SUSD3: variants seen among roughly 807,000 people sequenced by gnomAD.
SUSD3 encodes sushi domain-containing protein 3.
Under a neutral mutation model 20.6 loss-of-function variants are expected in SUSD3, and 18 were observed. That is an observed-to-expected ratio of 0.87 (90% CI 0.60 to 1.30). SUSD3 has a LOEUF of 1.30. Among genes scored for constraint, SUSD3 ranks in the 50% most tolerant of loss-of-function variants. The pLI, the probability that SUSD3 is intolerant of heterozygous loss-of-function variation, is 0.00. For synonymous variants in SUSD3, 137 were observed against 141.5 expected, an observed-to-expected ratio of 0.97 and a Z score of 0.23; for missense variants, 306 against 346.9, an observed-to-expected ratio of 0.88 and a Z score of 0.94.
chr9:93,068,313 A>G lies in SUSD3; in HGVS notation c.89-7471A>G, dbSNP rs368649219. Among the ~76,000 whole-genome samples, 56 of 152,300 alleles carry G rather than the reference A, an allele frequency of 3.7e-4. No individual in the cohort carries two copies. The East Asian group carries it at 0.01, about 28-fold the overall frequency. On this transcript the variant is annotated intron_variant, in intron 1 of 4. Coordinates refer to ENST00000375472, the MANE Select transcript of SUSD3 (RefSeq NM_145006.4). ...GATTTTCCCTATGTTTTCTTCTAAG[A>G]GTTTCATAGTTTTAGCTCTTACTTT...
chr9:93,066,077 C>T (rs1260160124), intron 1 of SUSD3, among the ~76,000 whole-genome samples: 1 of 152,172 alleles, frequency 6.6e-6, no homozygotes, highest in Non-Finnish European at 1.5e-5. Flanking sequence ...GCCCACCATG[C>T]CCTCCATCCC....
chr9:93,074,174 G>A (rs1300506194), intron 1 of SUSD3, among the ~76,000 whole-genome samples: 1 of 152,104 alleles, frequency 6.6e-6, no homozygotes, highest in Non-Finnish European at 1.5e-5. Flanking sequence ...GCCGGGTGTG[G>A]TGGCTCACGT....
intron 4 of SUSD3, among the ~76,000 whole-genome samples, chr9:93,081,999 T>G (rs993113039): frequency 6.6e-6 from 1 of 152,232 alleles, no homozygotes; most frequent in Non-Finnish European, 1.5e-5. Flanking sequence ...ATGACCACAT[T>G]CTTTCCCTGG....
chr9:93,084,168 C>T (rs1826543661), intron 4 of SUSD3, among the ~76,000 whole-genome samples: 1 of 152,102 alleles, frequency 6.6e-6, no homozygotes, highest in African/African-American at 2.4e-5. Flanking sequence ...TCCCCAGCAT[C>T]CCTTCTCTGC....
chr9:93,084,474 A>G (rs1436965336), intron 4 of SUSD3, 63 bp from the exon 5 acceptor site: 3 of 1,436,976 alleles, frequency 2.1e-6, no homozygotes, highest in East Asian at 5.0e-5. Flanking sequence ...CTGGGAAGGT[A>G]TGGAGTTGGG....
rs568904668 is a variant in SUSD3, at chr9:93,067,433, G to A, written c.89-8351G>A. Among the ~76,000 whole-genome samples, 47 of 152,224 alleles carry A rather than the reference G, an allele frequency of 3.1e-4. 1 individual carries two copies. The highest frequency in any genetic ancestry group is 1.9e-4 in the East Asian group (1 of 5,182). On this transcript the variant is annotated intron_variant, in intron 1 of 4. Transcript: ENST00000375472. ...ACAGGTATTTTCATTTCTCTTGGCT[G>A]ATTACCTAGCAGTGGAATTACTGGA... is the stretch of plus-strand genomic sequence containing the variant.
chr9:93,067,698 A>G (rs1242532443), intron 1 of SUSD3, among the ~76,000 whole-genome samples: 4 of 151,816 alleles, frequency 2.6e-5, no homozygotes, highest in African/African-American at 9.7e-5. Context: ...CCCAGGTTCA[A>G]GTGATACTCC....
In SUSD3 at chr9:93,060,393, G is replaced by C. The variant is rs1482020666; in HGVS notation, c.88+1563G>C. Among the ~76,000 whole-genome samples the C allele has an allele frequency of 2.6e-5, 4 of 152,284 alleles. No individual in the cohort carries two copies. In the East Asian group the frequency reaches 7.7e-4, roughly 29 times the overall value. ...TGTGGACAGGCCCAGTGGAGCCCAGGGAGGGTACTTGTTCTGGTGCAGGGA... is the reference window on the plus strand; with the variant it reads ...TGTGGACAGGCCCAGTGGAGCCCAGCGAGGGTACTTGTTCTGGTGCAGGGA... On this transcript the variant is annotated intron_variant, in intron 1 of 4. Coordinates refer to ENST00000375472, the MANE Select transcript of SUSD3 (RefSeq NM_145006.4).
chr9:93,058,912 G>A, intron 1 of SUSD3, 82 bp downstream of exon 1: 1 of 849,914 alleles, frequency 1.2e-6, no homozygotes, highest in Non-Finnish European at 1.6e-6. Context: ...GGGGTCGCGG[G>A]GCCGCACAGC....
chr9:93,065,749 C>T (rs923351155), intron 1 of SUSD3, among the ~76,000 whole-genome samples: 2 of 152,242 alleles, frequency 1.3e-5, no homozygotes, highest in East Asian at 1.9e-4. Context: ...GTGCTGATCA[C>T]GACTCTTGCC....
intron 3 of SUSD3, 68 bp downstream of exon 3, chr9:93,078,061 G>T: frequency 6.2e-7 from 1 of 1,607,020 alleles, no homozygotes; most frequent in South Asian, 1.1e-5. Context: ...AGGAGGAAAG[G>T]ACAGAGTGTT....
intron 1 of SUSD3, among the ~76,000 whole-genome samples, chr9:93,062,624 T>C (rs1425339103): frequency 6.6e-6 from 1 of 152,016 alleles, no homozygotes; most frequent in Non-Finnish European, 1.5e-5. Flanking sequence ...TCATGAGTAT[T>C]TGAAGCAGGG....
intron 4 of SUSD3, among the ~76,000 whole-genome samples, chr9:93,082,476 C>T (rs1826457436): frequency 3.3e-5 from 5 of 152,022 alleles, no homozygotes; most frequent in Admixed American, 2.6e-4. Context: ...CGCCACCATG[C>T]CCAGCTAATT....
At chr9:93,066,390 C>T (rs1309625044) in intron 1 of SUSD3, among the ~76,000 whole-genome samples, 6 of 152,240 alleles carry the variant, frequency 3.9e-5, no homozygotes, top group Non-Finnish European at 7.3e-5. Flanking sequence ...CACGCCACCA[C>T]GCCCAGCTAA....
chr9:93,059,224 G>C (rs990795805), intron 1 of SUSD3, among the ~76,000 whole-genome samples: 3 of 152,270 alleles, frequency 2.0e-5, no homozygotes, highest in Non-Finnish European at 2.9e-5. Flanking sequence ...CGGGAGGGGG[G>C]AGCCGGGAGC....
chr9:93,083,327 C>T (rs1826499282), intron 4 of SUSD3, among the ~76,000 whole-genome samples: 1 of 152,092 alleles, frequency 6.6e-6, no homozygotes, highest in African/African-American at 2.4e-5. Flanking sequence ...CCGATGGAGG[C>T]AGAGTTCCCT....
intron 2 of SUSD3, among the ~76,000 whole-genome samples, chr9:93,076,301 C>T (rs1022692909): frequency 7.1e-6 from 1 of 140,654 alleles, no homozygotes; most frequent in Non-Finnish European, 1.5e-5. Context: ...AAGCAGGAAA[C>T]TATGTTTGTT....
chr9:93,060,044 C>A (rs1825445951), intron 1 of SUSD3, among the ~76,000 whole-genome samples: 1 of 152,210 alleles, frequency 6.6e-6, no homozygotes, highest in South Asian at 2.1e-4. Context: ...GCGTGGGTGC[C>A]AGTGCCCTTT....
At chr9:93,077,081 GC>G (rs1273898645) in intron 2 of SUSD3, among the ~76,000 whole-genome samples, 4 of 152,252 alleles carry the variant, frequency 2.6e-5, no homozygotes, top group Non-Finnish European at 4.4e-5. Flanking sequence ...AGGGGACAGG[GC>G]CATGTTCTCT....
Sources: gnomAD v4.1 joint callset for allele counts (sites outside exome capture counted in the v4.1 genomes callset) on GRCh38, gnomAD v4.1.1 for gene constraint, MANE v1.5 for transcripts, NCBI Gene and HGNC (gene_info 2026-07-23, HGNC 2026-07-21) for gene names.